Variants in HMCN2 observed in about 807,000 individuals in gnomAD.
HMCN2 encodes the protein hemicentin-2.
HMCN2 carries 325 observed loss-of-function variants against 377.5 expected under a neutral mutation model. That is an observed-to-expected ratio of 0.86 (90% CI 0.79 to 0.94). The LOEUF is 0.94. Ranked by LOEUF, HMCN2 falls within the 40% of genes least tolerant of loss-of-function variation. The probability of loss-of-function intolerance (pLI) is 0.00; values close to 1 mark genes in which losing one functional copy is unlikely to be tolerated. For synonymous variants in HMCN2, 2,007 were observed against 2,046.8 expected (o/e 0.98, Z 0.53); for missense variants, 4,543 against 4,725.3 (o/e 0.96, Z 1.13).
At chr9:130,399,431 G>T in intron 75 of HMCN2, 80 bp from the exon 76 acceptor site, 1 of 1,176,790 alleles carries the variant, frequency 8.5e-7, no homozygotes, top group Non-Finnish European at 1.1e-6. Flanking sequence ...GGAAATGGGC[G>T]TGAGACCCCC....
intron 3 of HMCN2, among the ~76,000 whole-genome samples, chr9:130,285,718 C>G (rs1220547270): frequency 2.6e-5 from 4 of 152,186 alleles, no homozygotes; most frequent in Non-Finnish European, 5.9e-5. Context: ...TTGCTTCTGG[C>G]TTTTGCAGTG....
chr9:130,275,845 C>T (rs1190788322), intron 1 of HMCN2, among the ~76,000 whole-genome samples: 10 of 127,056 alleles, frequency 7.9e-5, no homozygotes, highest in African/African-American at 1.9e-4. Flanking sequence ...GCCCTGGGCA[C>T]GTCCCTCCTT....
At chr9:130,432,339 C>A in intron 96 of HMCN2, 90 bp from the exon 97 acceptor site, 5 of 1,253,314 alleles carry the variant, frequency 4.0e-6, no homozygotes. Context: ...TCACTGGTCC[C>A]CCAAAGGTAC....
intron 70 of HMCN2, 26 bp downstream of exon 70, chr9:130,395,134 C>CG: frequency 2.2e-6 from 2 of 906,338 alleles, no homozygotes; most frequent in South Asian, 2.2e-5. Context: ...GGGGTGGGGG[C>CG]AGGGCCGGGA....
chr9:130,286,912 T>C (rs1835442960), intron 4 of HMCN2, among the ~76,000 whole-genome samples: 1 of 152,114 alleles, frequency 6.6e-6, no homozygotes, highest in African/African-American at 2.4e-5. Flanking sequence ...CGGGGCTCCA[T>C]GGTATCATCC....
intron 19 of HMCN2, among the ~76,000 whole-genome samples, chr9:130,323,876 T>C (rs1204534715): frequency 6.6e-6 from 1 of 152,146 alleles, no homozygotes; most frequent in Non-Finnish European, 1.5e-5. Context: ...CTAATTTTTG[T>C]ATTTTTAGTA....
At chr9:130,416,843 A>G (rs1843722475) in intron 85 of HMCN2, among the ~76,000 whole-genome samples, 1 of 151,610 alleles carries the variant, frequency 6.6e-6, no homozygotes, top group African/African-American at 2.4e-5. Flanking sequence ...TGCAAATGTA[A>G]TTAAGTTAAG....
At chr9:130,335,139 C>G (rs1248468040) in intron 22 of HMCN2, among the ~76,000 whole-genome samples, 3 of 152,112 alleles carry the variant, frequency 2.0e-5, no homozygotes, top group African/African-American at 7.2e-5. Context: ...ACAGTTGAAC[C>G]TCGGATCCAG....
In HMCN2 at chr9:130,347,594, G is replaced by T. The variant is rs1489124615; in HGVS notation, c.4024+234G>T. On this transcript the variant is annotated intron_variant, in intron 26 of 97. Coordinates refer to ENST00000683500, the MANE Select transcript of HMCN2 (RefSeq NM_001291815.2). The surrounding 1 kb of genome is among the most constrained non-coding windows in gnomAD (Gnocchi z 5.1). ...CCAGTGACAGGGAGGGCTTGAGGGG[G>T]CTGGGAGAGTGGCAGGTTGCACTGT... Among the ~76,000 whole-genome samples the T allele has an allele frequency of 2.6e-5, 4 of 152,196 alleles. No individual in the cohort carries two copies. The highest frequency in any genetic ancestry group is 9.7e-5 in the African/African-American group (4 of 41,428).
chr9:130,387,736 C>T (rs1050765762), intron 61 of HMCN2, among the ~76,000 whole-genome samples: 5 of 152,090 alleles, frequency 3.3e-5, no homozygotes, highest in South Asian at 2.1e-4. Flanking sequence ...ACCAGGTGAG[C>T]GGTGGGCACA....
Position 130,368,314 on chromosome 9 carries a change from G to A in HMCN2, c.6664G>A (p.Val2222Met), listed in dbSNP as rs888253935. 10 of 985,662 alleles carry A rather than the reference G, an allele frequency of 1.0e-5. No homozygotes were observed. In the South Asian group the frequency reaches 1.4e-4, roughly 14 times the overall value. 61.1% of individuals were successfully genotyped at this position (985,662 alleles called of 1,614,324 possible). A position where few individuals can be genotyped will look rare whatever the true frequency, so the allele number is the denominator to read the frequency against. ...CGGGGAGGGGGCTGGCCTCCAGCAC[G>A]TGTCGGCTGTGGGGAGGCTGTTGTA... is the stretch of plus-strand genomic sequence containing the variant. ...LPGEGAGLQH[V>M]SAVGRLLYLG... Residue 2222 changes from valine to methionine, a missense_variant, in exon 44 of 98, where the codon GTG becomes ATG. Physicochemically the swap from Val to Met is conservative, Grantham distance 21. Coordinates refer to ENST00000683500, the MANE Select transcript of HMCN2 (RefSeq NM_001291815.2).
At chr9:130,310,715 C>T (rs1433172304) in intron 15 of HMCN2, among the ~76,000 whole-genome samples, 1 of 152,044 alleles carries the variant, frequency 6.6e-6, no homozygotes, top group African/African-American at 2.4e-5. Context: ...CACGAGGAGG[C>T]GGGGATCTCT....
At position 130,422,435 on chromosome 9, in the gene HMCN2, T is replaced by G. The variant is rs529867136; in HGVS notation, c.13232-142T>G. ...CCTGGGCGTTGAGTCCATGACCCCT[T>G]AGCTGTGTGTCCTTGGACAAGTGGA... On this transcript the variant is annotated intron_variant, in intron 86 of 97. Transcript: ENST00000683500. This position sits in a 1 kb window ranked among gnomAD's most constrained non-coding sequence, Gnocchi z 4.2. 79 of 542,164 alleles carry G rather than the reference T, an allele frequency of 1.5e-4. No individual in the cohort carries two copies. Among genetic ancestry groups the G allele is most frequent in the African/African-American group, 1.3e-3 (69 of 51,266 alleles). The allele number at this position is 542,164 out of a possible 1,614,324, so 33.6% of individuals were successfully genotyped here.
intron 15 of HMCN2, among the ~76,000 whole-genome samples, chr9:130,317,891 G>A (rs1055101705): frequency 0.05 from 7,554 of 152,150 alleles, 282 homozygotes; most frequent in Middle Eastern, 0.13. Context: ...GGGAGGAGAG[G>A]AATCAGAGGC....
At chr9:130,284,139 G>GTTTC (rs1835289849) in intron 1 of HMCN2, among the ~76,000 whole-genome samples, 1 of 152,184 alleles carries the variant, frequency 6.6e-6, no homozygotes, top group Non-Finnish European at 1.5e-5. Context: ...CATAGATGGG[G>GTTTC]TTTCTGGAAG....
rs1379529881 is a variant in HMCN2 at position 130,398,671 on chromosome 9, A to G, written c.11447A>G (p.Gln3816Arg). Residue 3816 changes from glutamine (Q) to arginine (R), a missense_variant, in exon 75 of 98, where the codon CAG (glutamine) becomes CGG (arginine). By Grantham distance (43) the Gln-to-Arg change is conservative (BLOSUM62 1). Coordinates refer to ENST00000683500, the MANE Select transcript of HMCN2 (RefSeq NM_001291815.2). The stretch of plus-strand genomic sequence containing the variant: ...CTGGTGGTCTGGTGGAAGGACGGAC[A>G]GAAGCTGGACTTCCGCCTGCAGCAG... ...KPLVVWWKDG[Q>R]KLDFRLQQGA... 7.8e-7 allele frequency: 1 copy of G among 1,289,668 alleles called. No individual in the cohort carries two copies. 79.9% of individuals were successfully genotyped at this position (1,289,668 alleles called of 1,614,324 possible). A position where few individuals can be genotyped will look rare whatever the true frequency, so the allele number is the denominator to read the frequency against.
rs551340099 is a variant in HMCN2 at position 130,407,645 on chromosome 9, G to A, written c.12628G>A (p.Val4210Ile). Residue 4210 changes from valine to isoleucine, a missense_variant, in exon 83 of 98, where the codon GTC (valine) becomes ATC (isoleucine). By Grantham distance (29) the Val-to-Ile change is conservative. Transcript: ENST00000683500. ...AVSREDSGTY[V>I]CWAENRVGRT... ...CTCCAGAGAAGACAGCGGGACCTAT[G>A]TCTGCTGGGCGGAGAACAGAGTGGG... is the stretch of plus-strand genomic sequence containing the variant. The A allele has an allele frequency of 8.9e-5, 115 of 1,285,544 alleles. No homozygotes were observed. In the South Asian group the frequency reaches 1.4e-3, roughly 15 times the overall value. 79.6% of individuals were successfully genotyped at this position (1,285,544 alleles called of 1,614,324 possible).
At chr9:130,403,946 C>A in intron 80 of HMCN2, 71 bp downstream of exon 80, 2 of 1,228,424 alleles carry the variant, frequency 1.6e-6, no homozygotes, top group Non-Finnish European at 1.1e-6. Context: ...AAGCTTCTCC[C>A]TTCTCTGCCT....
intron 85 of HMCN2, among the ~76,000 whole-genome samples, chr9:130,412,173 T>C (rs1843460490): frequency 6.6e-6 from 1 of 152,192 alleles, no homozygotes; most frequent in South Asian, 2.1e-4. Flanking sequence ...GGTTTCACCA[T>C]GTTGGCCAGG....
Sources: allele counts gnomAD v4.1 joint callset (sites outside exome capture counted in the v4.1 genomes callset), GRCh38; gene constraint gnomAD v4.1.1; non-coding constraint Gnocchi (gnomAD v3.1); transcripts MANE v1.5; gene names NCBI Gene and HGNC (gene_info 2026-07-23, HGNC 2026-07-21).